The following KCNIP4 variants were observed in gnomAD, a reference collection of about 807,000 sequenced individuals.
KCNIP4 encodes Kv channel-interacting protein 4.
KCNIP4 carries 12 observed loss-of-function variants against 34.0 expected under a neutral mutation model. The ratio of observed to expected loss-of-function variants is 0.35; its 90% CI spans 0.23 to 0.57. KCNIP4 has a LOEUF of 0.57. KCNIP4 is among the 20% of genes least tolerant of loss of function. The probability of loss-of-function intolerance (pLI) is 0.83; values close to 1 mark genes in which losing one functional copy is unlikely to be tolerated. For synonymous variants in KCNIP4, 124 were observed against 102.2 expected (o/e 1.21, Z -1.29); for missense variants, 238 against 311.7 (o/e 0.76, Z 1.78).
chr4:21,352,142 A>C (rs1430612360), intron 1 of KCNIP4, among the ~76,000 whole-genome samples: 2 of 152,198 alleles, frequency 1.3e-5, no homozygotes, highest in Non-Finnish European at 2.9e-5. Context: ...AAAAAAGAAA[A>C]AAATCTTGGT....
At chr4:21,756,774 A>T (rs535138585) in intron 1 of KCNIP4, among the ~76,000 whole-genome samples, 1 of 152,056 alleles carries the variant, frequency 6.6e-6, no homozygotes, top group East Asian at 2.0e-4. Context: ...TCATTTCATG[A>T]TATTGAAAAG....
In KCNIP4 at chr4:20,968,837, T is replaced by C. The variant is rs377760259; in HGVS notation, c.62-86128A>G. 2.1e-4 allele frequency among the ~76,000 whole-genome samples: 32 copies of C among 152,038 alleles called. No homozygotes were observed. The South Asian group carries it at 2.9e-3, about 14-fold the overall frequency. ...TAAATATCTAACGTAAATGACCAGT[T>C]AATGGGTGCAGCAAACCAGCATGGC... On this transcript the variant is annotated intron_variant, in intron 1 of 8. Transcript: ENST00000382152.
chr4:21,113,092 G>A (rs1218875808), intron 1 of KCNIP4, among the ~76,000 whole-genome samples: 3 of 152,100 alleles, frequency 2.0e-5, no homozygotes, highest in Non-Finnish European at 4.4e-5. Flanking sequence ...ATTCTGCTGA[G>A]TCCAAATTTC....
intron 1 of KCNIP4, among the ~76,000 whole-genome samples, chr4:21,783,483 A>G (rs1420142729): frequency 6.6e-6 from 1 of 152,206 alleles, no homozygotes; most frequent in African/African-American, 2.4e-5. Context: ...ATGAAACTGA[A>G]TAATTATCCC....
At chr4:21,061,199 G>A (rs1430840593) in intron 1 of KCNIP4, among the ~76,000 whole-genome samples, 1 of 151,980 alleles carries the variant, frequency 6.6e-6, no homozygotes, top group Admixed American at 6.6e-5. Context: ...CTTTTTACAT[G>A]TGCATCTGTA....
chr4:21,147,898 C>T lies in KCNIP4; in HGVS notation c.62-265189G>A, dbSNP rs575974217. Among the ~76,000 whole-genome samples, 8 of 123,644 alleles carry T rather than the reference C, an allele frequency of 6.5e-5. No homozygotes were observed. In the South Asian group the frequency reaches 2.0e-3, roughly 31 times the overall value. The allele number at this position is 123,644 out of a possible 152,430, so 81.1% of individuals were successfully genotyped here. ...ATGTTGCAGTGAGCCAAGATCACGC[C>T]ACTACACTCCAGCCTGGACAACAAA... On this transcript the variant is annotated intron_variant, in intron 1 of 8. Transcript: ENST00000382152.
intron 1 of KCNIP4, among the ~76,000 whole-genome samples, chr4:20,981,492 G>A (rs913619799): frequency 6.6e-6 from 1 of 152,158 alleles, no homozygotes; most frequent in African/African-American, 2.4e-5. Flanking sequence ...CAACATTAAG[G>A]AAGATGTATA....
chr4:21,314,003 G>T (rs189353043), intron 1 of KCNIP4, among the ~76,000 whole-genome samples: 22 of 152,306 alleles, frequency 1.4e-4, no homozygotes, highest in African/African-American at 5.3e-4. Context: ...GTAGGCTCGG[G>T]CTGTGATCAT....
At chr4:21,488,043 G>A (rs1732071814) in intron 1 of KCNIP4, among the ~76,000 whole-genome samples, 1 of 152,022 alleles carries the variant, frequency 6.6e-6, no homozygotes, top group South Asian at 2.1e-4. Flanking sequence ...TGCTACTGTG[G>A]TATTCTTGCT....
At chr4:20,922,402 T>A (rs1331725257) in intron 1 of KCNIP4, among the ~76,000 whole-genome samples, 1 of 152,148 alleles carries the variant, frequency 6.6e-6, no homozygotes, top group Admixed American at 6.5e-5. Context: ...CTCCCAGACA[T>A]TGTAGCGTCT....
chr4:21,180,119 A>T (rs1029500015), intron 1 of KCNIP4, among the ~76,000 whole-genome samples: 33 of 152,356 alleles, frequency 2.2e-4, no homozygotes, highest in African/African-American at 7.7e-4. Flanking sequence ...CACAAAGACC[A>T]CAAATATACC....
chr4:21,263,619 C>T (rs1761610215), intron 1 of KCNIP4, among the ~76,000 whole-genome samples: 2 of 152,152 alleles, frequency 1.3e-5, no homozygotes, highest in African/African-American at 4.8e-5. Flanking sequence ...AGCCGGTGCT[C>T]TAAGACAACT....
chr4:21,886,828 TA>T (rs1247145091), intron 1 of KCNIP4, among the ~76,000 whole-genome samples: 1 of 152,184 alleles, frequency 6.6e-6, no homozygotes, highest in Non-Finnish European at 1.5e-5. Flanking sequence ...CTCTTCTTTT[TA>T]TTTTTCATTT....
intron 3 of KCNIP4, among the ~76,000 whole-genome samples, chr4:20,827,298 T>G (rs1461145268): frequency 6.6e-6 from 1 of 152,172 alleles, no homozygotes; most frequent in Non-Finnish European, 1.5e-5. Context: ...TTCTCACAGC[T>G]CTAAGAGCAA....
At chr4:21,153,718 T>C (rs989045554) in intron 1 of KCNIP4, among the ~76,000 whole-genome samples, 1 of 152,038 alleles carries the variant, frequency 6.6e-6, no homozygotes, top group South Asian at 2.1e-4. Flanking sequence ...AAACCCCAGA[T>C]TCAAAAAGAG....
At chr4:21,044,494 T>C (rs573971241) in intron 1 of KCNIP4, among the ~76,000 whole-genome samples, 28 of 152,074 alleles carry the variant, frequency 1.8e-4, no homozygotes, top group Non-Finnish European at 2.5e-4. Context: ...GTATTTTTAG[T>C]AGAGACAGGG....
chr4:21,348,652 A>C (rs1363478692), intron 1 of KCNIP4, among the ~76,000 whole-genome samples: 1 of 152,212 alleles, frequency 6.6e-6, no homozygotes, highest in African/African-American at 2.4e-5. Flanking sequence ...AAGCCCATTA[A>C]GTTATTTATA....
intron 1 of KCNIP4, among the ~76,000 whole-genome samples, chr4:20,931,593 T>C (rs1011911294): frequency 1.3e-5 from 2 of 152,024 alleles, no homozygotes; most frequent in African/African-American, 4.8e-5. Flanking sequence ...TATCTAAAAA[T>C]AGAAAATGTA....
intron 3 of KCNIP4, among the ~76,000 whole-genome samples, chr4:20,826,459 C>G (rs1717770542): frequency 6.6e-6 from 1 of 151,750 alleles, no homozygotes; most frequent in Admixed American, 6.6e-5. Flanking sequence ...GTGGCACACA[C>G]CTGTAGTCCT....
Sources: allele counts gnomAD v4.1 joint callset (sites outside exome capture counted in the v4.1 genomes callset), GRCh38; gene constraint gnomAD v4.1.1; transcripts MANE v1.5; gene names NCBI Gene and HGNC (gene_info 2026-07-23, HGNC 2026-07-21).